The following FAM149A variants were observed in gnomAD, a reference collection of about 807,000 sequenced individuals.
FAM149A encodes protein FAM149A.
Under a neutral mutation model 78.2 loss-of-function variants are expected in FAM149A, and 71 were observed. The observed-to-expected ratio is 0.91, with a 90% CI of 0.75 to 1.11. The LOEUF is 1.11. Among genes scored for constraint, FAM149A ranks in the 50% least tolerant of loss-of-function variants. The pLI is 0.00. For missense variants in FAM149A, 1,036 were observed against 971.0 expected (o/e 1.07, Z -0.89); for synonymous variants, 446 against 410.5 (o/e 1.09, Z -1.04).
In FAM149A at chr4:186,105,324, C is replaced by T. The variant is rs2099308315; in HGVS notation, c.248C>T (p.Ala83Val). The T allele has an allele frequency of 2.6e-6, 3 of 1,168,870 alleles. No individual in the cohort carries two copies. The highest frequency in any genetic ancestry group is 3.2e-6 in the Non-Finnish European group (3 of 939,550). The allele number at this position is 1,168,870 out of a possible 1,614,324, so 72.4% of individuals were successfully genotyped here. A position where few individuals can be genotyped will look rare whatever the true frequency, so the allele number is the denominator to read the frequency against. The change falls in exon 1 of 14, where the codon GCC becomes GTC. Residue 83 changes from alanine to valine, a missense_variant. Around this residue, in one of 3 missense-constraint regions of FAM149A, gnomAD observed 316 missense variants for 241.9 expected, o/e 1.31. Transcript: ENST00000389354. ...TCCTCCCCCTACTCCCGGGGCTCCG[C>T]CGCCAGCCGCGCCGCGGGAGCAGTG...
intron 1 of FAM149A, among the ~76,000 whole-genome samples, chr4:186,148,163 C>T (rs1039758162): frequency 3.9e-5 from 6 of 152,012 alleles, no homozygotes; most frequent in Non-Finnish European, 7.4e-5. Context: ...CCTGTCTCTA[C>T]TAAAAATACA....
At position 186,163,521 on chromosome 4, in the gene FAM149A, C is replaced by G. The variant is rs563969874; in HGVS notation, c.1777C>G (p.Pro593Ala). The change falls in exon 10 of 14, where the codon CCT becomes GCT. Residue 593 changes from proline to alanine, a missense_variant. Physicochemically the swap from Pro to Ala is conservative, Grantham distance 27. This residue lies in a region of FAM149A where 716 missense variants were observed against 711.8 expected (regional missense o/e 1.01). Transcript: ENST00000389354. ...GGCCTCAGACACTCATGGATTATCA[C>G]CTTCTGCAAAGAAAACACCAGTGCC... 1.9e-6 allele frequency: 3 copies of G among 1,614,136 alleles called. No homozygotes were observed. Among genetic ancestry groups the G allele is most frequent in the Non-Finnish European group, 2.5e-6 (3 of 1,180,002 alleles).
intron 1 of FAM149A, chr4:186,123,825 T>C (rs1323161918): frequency 1.0e-6 from 1 of 984,242 alleles, no homozygotes; most frequent in East Asian, 1.1e-4. Flanking sequence ...TTCACGGTCC[T>C]TGATAGCCAG....
intron 1 of FAM149A, among the ~76,000 whole-genome samples, chr4:186,115,354 C>T (rs1579774774): frequency 6.7e-6 from 1 of 148,414 alleles, no homozygotes; most frequent in African/African-American, 2.5e-5. Context: ...CCTCCCGTAG[C>T]TCAGAATAAT....
intron 1 of FAM149A, among the ~76,000 whole-genome samples, chr4:186,126,295 C>G (rs2099318303): frequency 1.3e-5 from 2 of 152,174 alleles, no homozygotes; most frequent in South Asian, 4.1e-4. Flanking sequence ...TTCACTCTCT[C>G]AGCTTCTCTA....
At position 186,167,187 on chromosome 4, in the gene FAM149A, G is replaced by A; in HGVS notation, c.2143G>A (p.Asp715Asn). ...GATTTTATTTTTCTTCCAGCAGTCG[G>A]ATACGCCTCGAAAAAGTTCATTGAC... Residue 715 changes from aspartate (D) to asparagine (N), a missense_variant, in exon 13 of 14, where the codon GAT (aspartate) becomes AAT (asparagine). Around this residue, in one of 3 missense-constraint regions of FAM149A, gnomAD observed 716 missense variants for 711.8 expected, o/e 1.01. Transcript: ENST00000389354. The A allele has an allele frequency of 6.2e-7, 1 of 1,610,102 alleles. No homozygotes were observed. The highest frequency in any genetic ancestry group is 1.1e-5 in the South Asian group (1 of 91,040).
At chr4:186,124,250 G>A in intron 1 of FAM149A, 1 of 975,080 alleles carries the variant, frequency 1.0e-6, no homozygotes, top group Non-Finnish European at 1.2e-6. Flanking sequence ...TTGTTTTTTG[G>A]GTTAATTTTT....
rs1484639549 is a variant in FAM149A at position 186,154,818 on chromosome 4, G to A, written c.1229+180G>A. ...GATTCCTAGCCAGCGGTGCACGTGCGGGAGCAGCGAAGAGGGTGTTCAGTG... is the reference window on the plus strand; with the variant it reads ...GATTCCTAGCCAGCGGTGCACGTGCAGGAGCAGCGAAGAGGGTGTTCAGTG... On this transcript the variant is annotated intron_variant, in intron 6 of 13. Coordinates refer to ENST00000389354, the MANE Select transcript of FAM149A (RefSeq NM_001367768.3). 3 of 985,236 alleles carry A rather than the reference G, an allele frequency of 3.0e-6. No individual in the cohort carries two copies. The African/African-American group carries it at 5.2e-5, about 17-fold the overall frequency. 61.0% of individuals were successfully genotyped at this position (985,236 alleles called of 1,614,324 possible). A position where few individuals can be genotyped will look rare whatever the true frequency, so the allele number is the denominator to read the frequency against.
At chr4:186,155,032 G>C in intron 6 of FAM149A, 1 of 717,266 alleles carries the variant, frequency 1.4e-6, no homozygotes, top group Non-Finnish European at 1.7e-6. Flanking sequence ...GTGCGAGCTC[G>C]GCTGACTGCA....
chr4:186,133,132 C>T (rs11733605), intron 1 of FAM149A: 357,109 of 985,022 alleles, frequency 0.36, 65,299 homozygotes, highest in South Asian at 0.42. Flanking sequence ...TGTATTGTCT[C>T]GACTTCTTTC....
chr4:186,153,724 C>T lies in FAM149A; in HGVS notation c.1012C>T (p.His338Tyr), dbSNP rs1337843864. 2 of 1,614,064 alleles carry T rather than the reference C, an allele frequency of 1.2e-6. No individual in the cohort carries two copies. Among genetic ancestry groups the T allele is most frequent in the East Asian group, 2.2e-5 (1 of 44,886 alleles). ...GGGCAGCACTCCTGCCTCCGCAGTC[C>T]ACAGACCCCCGCTCAGTGCCTGCGG... Residue 338 changes from histidine (H) to tyrosine (Y), a missense_variant, in exon 5 of 14, where the codon CAC becomes TAC. His to Tyr is a moderately conservative substitution (Grantham distance 83). This residue lies in a region of FAM149A where 716 missense variants were observed against 711.8 expected (regional missense o/e 1.01). Coordinates refer to ENST00000389354, the MANE Select transcript of FAM149A (RefSeq NM_001367768.3).
rs77389559 is a variant in FAM149A at position 186,157,828 on chromosome 4, C to T, written c.1575+109C>T. The T allele has an allele frequency of 2.2e-4, 333 of 1,548,200 alleles. 2 individuals carry two copies. The African/African-American group carries it at 3.8e-3, about 18-fold the overall frequency. On this transcript the variant is annotated intron_variant, in intron 8 of 13. Coordinates refer to ENST00000389354, the MANE Select transcript of FAM149A (RefSeq NM_001367768.3). ...CTGAGATATTTGGGGCTGCTTTCCA[C>T]GCTGCCCGCAGAGGGGTCCATGCAG...
intron 1 of FAM149A, among the ~76,000 whole-genome samples, chr4:186,120,166 A>G (rs764304589): frequency 3.3e-5 from 5 of 152,238 alleles, no homozygotes; most frequent in Non-Finnish European, 7.3e-5. Flanking sequence ...TTCAGGGTCT[A>G]CTAGACACCA....
At chr4:186,131,892 G>T (rs2099320881) in intron 1 of FAM149A, 1 of 985,256 alleles carries the variant, frequency 1.0e-6, no homozygotes, top group African/African-American at 1.7e-5. Flanking sequence ...CCATTTACTG[G>T]AAGGTTTTAA....
chr4:186,153,355 C>T (rs1487104398), intron 4 of FAM149A: 1 of 949,864 alleles, frequency 1.1e-6, no homozygotes, highest in African/African-American at 1.8e-5. Flanking sequence ...CATATATGAT[C>T]TCTAAGCCAT....
At chr4:186,145,169 C>T (rs1007032520) in intron 1 of FAM149A, 302 of 983,320 alleles carry the variant, frequency 3.1e-4, no homozygotes, top group Non-Finnish European at 3.5e-4. Flanking sequence ...GCGATGTGCG[C>T]GGTGTTCTCC....
At chr4:186,126,735 C>A in intron 1 of FAM149A, 1 of 325,178 alleles carries the variant, frequency 3.1e-6, no homozygotes, top group Non-Finnish European at 4.4e-6. Flanking sequence ...CACTGGCTTT[C>A]CTGGTTCTTC....
At chr4:186,165,988 C>A (rs573005612) in intron 11 of FAM149A, among the ~76,000 whole-genome samples, 4 of 152,190 alleles carry the variant, frequency 2.6e-5, no homozygotes, top group African/African-American at 7.2e-5. Context: ...TCATTTCTAT[C>A]GGTCATTTTT....
At chr4:186,132,011 C>T in intron 1 of FAM149A, 1 of 985,396 alleles carries the variant, frequency 1.0e-6, no homozygotes, top group South Asian at 4.7e-5. Context: ...TCTGTTCTAG[C>T]TTTCTTATTA....
Sources: allele counts gnomAD v4.1 joint callset (sites outside exome capture counted in the v4.1 genomes callset), GRCh38; gene constraint gnomAD v4.1.1; regional missense constraint gnomAD v4.1.1; transcripts MANE v1.5; gene names NCBI Gene and HGNC (gene_info 2026-07-23, HGNC 2026-07-21).